Variants in CEP97 observed in about 807,000 individuals in gnomAD.
The protein encoded by CEP97 is centrosomal protein 97.
CEP97 carries 43 observed loss-of-function variants against 73.1 expected under a neutral mutation model. The observed-to-expected ratio is 0.59, with a 90% confidence interval of 0.46 to 0.76. The LOEUF (loss-of-function observed/expected upper bound fraction) is 0.76. Among genes scored for constraint, CEP97 ranks in the 30% least tolerant of loss-of-function variants. The pLI is 0.00. For synonymous variants in CEP97, 337 were observed against 370.0 expected (o/e 0.91, Z 1.02); for missense variants, 939 against 1,014.0 (o/e 0.93, Z 1.00).
rs532029679 is a variant in CEP97, at chr3:101,732,596, G to A, written c.670G>A (p.Val224Ile). Residue 224 changes from valine (V) to isoleucine (I), a missense_variant, in exon 6 of 11, where the codon GTC (valine) becomes ATC (isoleucine). Transcript: ENST00000341893. ...IPGFDYRPYI[V>I]SWCLNLRVLD... ...AGGATTTGACTATCGGCCGTACATC[G>A]TCAGCTGGTGCCTAAACCTCAGAGT... 58 of 1,614,020 alleles carry A rather than the reference G, an allele frequency of 3.6e-5. 1 individual carries two copies. The South Asian group carries it at 5.1e-4, about 14-fold the overall frequency.
chr3:101,735,815 C>A (rs545848481), intron 6 of CEP97, among the ~76,000 whole-genome samples: 1 of 152,190 alleles, frequency 6.6e-6, no homozygotes, highest in East Asian at 1.9e-4. Flanking sequence ...TTTTTCATAT[C>A]CCAGTGGCGC....
intron 4 of CEP97, 143 bp downstream of exon 4, chr3:101,729,080 A>G: frequency 6.6e-6 from 4 of 610,508 alleles, no homozygotes. Flanking sequence ...ATGGTGGGTC[A>G]TGCCTGTAAT....
At position 101,765,720 on chromosome 3, in the gene CEP97, T is replaced by C. The variant is rs1939301823; in HGVS notation, c.*169T>C. Reference sequence around the variant, plus strand: ...AGATTCTAGATATTGAGCTGAGTTTTCATTTTGATTTTGTTAGCTTTTTAC... The same window carrying C: ...AGATTCTAGATATTGAGCTGAGTTTCCATTTTGATTTTGTTAGCTTTTTAC... On this transcript the variant is annotated 3_prime_UTR_variant, in exon 11 of 11. Transcript: ENST00000341893. 1 of 592,678 alleles carries C rather than the reference T, an allele frequency of 1.7e-6. No homozygotes were observed. Among genetic ancestry groups the C allele is most frequent in the South Asian group, 2.3e-5 (1 of 42,950 alleles). 36.7% of individuals were successfully genotyped at this position (592,678 alleles called of 1,614,324 possible).
At chr3:101,757,309 C>A in intron 8 of CEP97, 113 bp downstream of exon 8, 8 of 1,164,724 alleles carry the variant, frequency 6.9e-6, no homozygotes, top group African/African-American at 1.6e-5. Context: ...TTACTAACTT[C>A]AGTAATCATT....
In CEP97 at chr3:101,758,108, T is replaced by C. The variant is rs761985984; in HGVS notation, c.1502T>C (p.Leu501Pro). The change falls in exon 9 of 11, where the codon CTT becomes CCT. Residue 501 changes from leucine to proline, a missense_variant. Physicochemically the swap from Leu to Pro is moderately conservative, Grantham distance 98. Transcript: ENST00000341893. ...ATCTTGAAGGATGATAACCACAGTCTTACATTTTTTCCTGAGTCAACTGAG... is the reference window on the plus strand; with the variant it reads ...ATCTTGAAGGATGATAACCACAGTCCTACATTTTTTCCTGAGTCAACTGAG... ...SAILKDDNHS[L>P]TFFPESTEQK... 18 of 1,614,098 alleles carry C rather than the reference T, an allele frequency of 1.1e-5. No individual in the cohort carries two copies. Among genetic ancestry groups the C allele is most frequent in the Admixed American group, 1.7e-5 (1 of 60,006 alleles).
At chr3:101,745,275 T>G (rs1938577240) in intron 6 of CEP97, among the ~76,000 whole-genome samples, 1 of 152,162 alleles carries the variant, frequency 6.6e-6, no homozygotes, top group Non-Finnish European at 1.5e-5. Context: ...CTTTTTAATT[T>G]TCAGAGATGG....
Position 101,755,478 on chromosome 3 carries a change from G to A in CEP97, c.777G>A (p.Arg259=), listed in dbSNP as rs755565702. 1.3e-5 allele frequency: 21 copies of A among 1,613,972 alleles called. 1 individual carries two copies. In the East Asian group the frequency reaches 3.6e-4, roughly 27 times the overall value. ...GTCAAGGCAAGGGGAGAGCATATCG[G>A]CCTGGCCAGCACATCCAGCTTGTCC... is the stretch of plus-strand genomic sequence containing the variant. ...LYSQGKGRAY[R]PGQHIQLVQY... is the part of the protein sequence containing the mutation. The change falls in exon 7 of 11, where the codon CGG becomes CGA. Residue 259 remains arginine (R), a synonymous_variant. Coordinates refer to ENST00000341893, the MANE Select transcript of CEP97 (RefSeq NM_024548.4).
chr3:101,765,663 T>C lies in CEP97; in HGVS notation c.*112T>C, dbSNP rs1939299870. The stretch of plus-strand genomic sequence containing the variant: ...CTACCCCTAATTTTGTTACTACTTA[T>C]ATAGAATTTGTATTCATGTCTTATA... On this transcript the variant is annotated 3_prime_UTR_variant, in exon 11 of 11. Coordinates refer to ENST00000341893, the MANE Select transcript of CEP97 (RefSeq NM_024548.4). 5.2e-6 allele frequency: 4 copies of C among 771,302 alleles called. No homozygotes were observed. Among genetic ancestry groups the C allele is most frequent in the African/African-American group, 1.8e-5 (1 of 56,702 alleles). The allele number at this position is 771,302 out of a possible 1,614,324, so 47.8% of individuals were successfully genotyped here. A position where few individuals can be genotyped will look rare whatever the true frequency, so the allele number is the denominator to read the frequency against.
Position 101,728,878 on chromosome 3 carries a change from G to C in CEP97, c.388G>C (p.Asp130His), listed in dbSNP as rs1160344113. 17 of 1,608,630 alleles carry C rather than the reference G, an allele frequency of 1.1e-5. No homozygotes were observed. Among genetic ancestry groups the C allele is most frequent in the Non-Finnish European group, 1.4e-5 (17 of 1,175,074 alleles). Residue 130 changes from aspartate (D) to histidine (H), a missense_variant, in exon 4 of 11, where the codon GAT (aspartate) becomes CAT (histidine). Physicochemically the swap from Asp to His is moderately conservative, Grantham distance 81. Coordinates refer to ENST00000341893, the MANE Select transcript of CEP97 (RefSeq NM_024548.4). ...TAGCTGCACAGCTCTACAGCATCTC[G>C]ATTTATCAGACAATAATATATCCCA... is the stretch of plus-strand genomic sequence containing the variant. Reference protein sequence around the residue: ...INSCTALQHLDLSDNNISQIG... With the variant: ...INSCTALQHLHLSDNNISQIG...
chr3:101,758,756 G>A (rs1210961531), intron 9 of CEP97: 2 of 234,378 alleles, frequency 8.5e-6, no homozygotes, highest in Non-Finnish European at 1.7e-5. Context: ...ATGAGAAGAT[G>A]ATGAAGTCTA....
Position 101,745,315 on chromosome 3 carries a change from C to A in CEP97, c.729-10115C>A, listed in dbSNP as rs913558447. 5.9e-5 allele frequency among the ~76,000 whole-genome samples: 9 copies of A among 152,296 alleles called. No individual in the cohort carries two copies. The East Asian group carries it at 1.7e-3, about 29-fold the overall frequency. On this transcript the variant is annotated intron_variant, in intron 6 of 10. Transcript: ENST00000341893. ...TCACATTGTTGTCTAGGCTGGAATG[C>A]AGTGACAGGATCACAGCTTACTGCA...
intron 6 of CEP97, among the ~76,000 whole-genome samples, chr3:101,742,546 A>G (rs1938488918): frequency 6.6e-6 from 1 of 152,232 alleles, no homozygotes; most frequent in African/African-American, 2.4e-5. Flanking sequence ...CAATGAGAAC[A>G]CATAGACACA....
chr3:101,765,403 C>A lies in CEP97; in HGVS notation c.2450C>A (p.Ser817Tyr). Residue 817 changes from serine to tyrosine, a missense_variant, in exon 11 of 11, where the codon TCT (serine) becomes TAT (tyrosine). By Grantham distance (144) the Ser-to-Tyr change is moderately radical (BLOSUM62 -2). Transcript: ENST00000341893. ...TTAGATACATTGTCTGACGGTGCTT[C>A]TGTAGATGAGAGTCATGGCATATCT... ...VQLDTLSDGA[S>Y]VDESHGISPP... The A allele has an allele frequency of 6.2e-7, 1 of 1,614,144 alleles. No homozygotes were observed. The highest frequency in any genetic ancestry group is 8.5e-7 in the Non-Finnish European group (1 of 1,180,030).
Position 101,765,303 on chromosome 3 carries a change from G to A in CEP97, c.2350G>A (p.Asp784Asn). 5 of 1,614,158 alleles carry A rather than the reference G, an allele frequency of 3.1e-6. No individual in the cohort carries two copies. Among genetic ancestry groups the A allele is most frequent in the Non-Finnish European group, 4.2e-6 (5 of 1,180,028 alleles). The stretch of plus-strand genomic sequence containing the variant: ...TTTAACTTCAGTTCAACAGCTGGAA[G>A]ATGCTGATGAGAGGACCAATTTTGA... ...QYLTSVQQLEDADERTNFDTE... is the reference protein window; with the variant it reads ...QYLTSVQQLENADERTNFDTE... Residue 784 changes from aspartate to asparagine, a missense_variant, in exon 11 of 11, where the codon GAT becomes AAT. Coordinates refer to ENST00000341893, the MANE Select transcript of CEP97 (RefSeq NM_024548.4).
At chr3:101,749,919 T>G (rs1406417617) in intron 6 of CEP97, among the ~76,000 whole-genome samples, 2 of 149,882 alleles carry the variant, frequency 1.3e-5, no homozygotes, top group African/African-American at 4.9e-5. Flanking sequence ...GAGTAGGTTG[T>G]GAAAATTTTC....
chr3:101,751,895 G>A, intron 6 of CEP97, among the ~76,000 whole-genome samples: 1 of 152,076 alleles, frequency 6.6e-6, no homozygotes, highest in Non-Finnish European at 1.5e-5. Context: ...TTTAATTGGA[G>A]CATTTAGTCC....
intron 9 of CEP97, among the ~76,000 whole-genome samples, chr3:101,761,368 G>C (rs1431657210): frequency 6.6e-6 from 1 of 152,172 alleles, no homozygotes; most frequent in Admixed American, 6.5e-5. Context: ...CTATGAGAAT[G>C]GGTGACTGAC....
In CEP97 at chr3:101,758,069, C is replaced by G. The variant is rs368224122; in HGVS notation, c.1463C>G (p.Thr488Arg). 1 of 1,614,204 alleles carries G rather than the reference C, an allele frequency of 6.2e-7. No individual in the cohort carries two copies. Among genetic ancestry groups the G allele is most frequent in the South Asian group, 1.1e-5 (1 of 91,082 alleles). ...GGACTATTACCTTGTCCTGAGCCAACAATAATCAGTGCTATCTTGAAGGAT... is the reference window on the plus strand; with the variant it reads ...GGACTATTACCTTGTCCTGAGCCAAGAATAATCAGTGCTATCTTGAAGGAT... The part of the protein sequence containing the change: ...KAGLLPCPEP[T>R]IISAILKDDN... Residue 488 changes from threonine (T) to arginine (R), a missense_variant, in exon 9 of 11, where the codon ACA becomes AGA. Thr to Arg is a moderately conservative substitution (Grantham distance 71). Coordinates refer to ENST00000341893, the MANE Select transcript of CEP97 (RefSeq NM_024548.4).
At chr3:101,724,927 G>A (rs921680182) in intron 1 of CEP97, among the ~76,000 whole-genome samples, 10 of 152,244 alleles carry the variant, frequency 6.6e-5, no homozygotes, top group African/African-American at 2.4e-4. Context: ...GGCCGAGCGG[G>A]GGACTACAGC....
Sources: allele counts gnomAD v4.1 joint callset (sites outside exome capture counted in the v4.1 genomes callset), GRCh38; gene constraint gnomAD v4.1.1; transcripts MANE v1.5; gene names NCBI Gene and HGNC (gene_info 2026-07-23, HGNC 2026-07-21).